GZMB: variants seen among roughly 807,000 people sequenced by gnomAD.
The protein encoded by GZMB is granzyme B.
In GZMB, 27 loss-of-function variants were observed where a neutral mutation model predicts 24.2. That is an observed-to-expected ratio of 1.12 (90% confidence interval 0.82 to 1.54). The LOEUF is 1.54. Among genes scored for constraint, GZMB ranks in the 40% most tolerant of loss-of-function variants. The pLI, the probability that GZMB is intolerant of heterozygous loss-of-function variation, is 0.00. For synonymous variants in GZMB, 121 were observed against 115.1 expected, an observed-to-expected ratio of 1.05 and a Z score of -0.33; for missense variants, 336 against 310.1, an observed-to-expected ratio of 1.08 and a Z score of -0.63.
At chr14:24,633,834 C>T (rs2067019160) in intron 1 of GZMB, 1 of 526,978 alleles carries the variant, frequency 1.9e-6, no homozygotes, top group Non-Finnish European at 3.4e-6. Flanking sequence ...AGTTTCCCAT[C>T]CTCTGCCATT....
At chr14:24,632,807 G>A (rs923955212) in intron 2 of GZMB, 108 bp downstream of exon 2, 122 of 1,154,398 alleles carry the variant, frequency 1.1e-4, no homozygotes, top group Non-Finnish European at 1.4e-4. Flanking sequence ...CCTCTAAGGA[G>A]ACCTCCTGGC....
Position 24,631,907 on chromosome 14 carries a change from G to T in GZMB, c.551C>A (p.Thr184Asn). 1 of 1,613,704 alleles carries T rather than the reference G, an allele frequency of 6.2e-7. No individual in the cohort carries two copies. Among genetic ancestry groups the T allele is most frequent in the Non-Finnish European group, 8.5e-7 (1 of 1,179,580 alleles). Reference protein sequence around the residue: ...ESDLRHYYDSTIELCVGDPEI... With the variant: ...ESDLRHYYDSNIELCVGDPEI... ...TGGGTCCCCCACGCACAACTCAATG[G>T]TACTGTCGTAATAATGGCGTAAGTC... The change falls in exon 4 of 5, where the codon ACC becomes AAC. Residue 184 changes from threonine (T) to asparagine (N), a missense_variant. By Grantham distance (65) the Thr-to-Asn change is moderately conservative. Coordinates refer to ENST00000216341, the MANE Select transcript of GZMB (RefSeq NM_004131.6).
At position 24,632,311 on chromosome 14, in the gene GZMB, G is replaced by A. The variant is rs1440487740; in HGVS notation, c.339+13C>T. The A allele has an allele frequency of 6.2e-7, 1 of 1,601,316 alleles. No individual in the cohort carries two copies. The highest frequency in any genetic ancestry group is 8.5e-7 in the Non-Finnish European group (1 of 1,172,820). On this transcript the variant is annotated intron_variant, in intron 3 of 4. Coordinates refer to ENST00000216341, the MANE Select transcript of GZMB (RefSeq NM_004131.6). ...GGACCAAGAAGAGCAAGAGTGGCAG[G>A]AGTGTGCCTCACCTGCAGTAGCATG...
At position 24,631,930 on chromosome 14, in the gene GZMB, G is replaced by A. The variant is rs780846355; in HGVS notation, c.528C>T (p.Asp176=). The A allele has an allele frequency of 1.2e-6, 2 of 1,614,068 alleles. No individual in the cohort carries two copies. The highest frequency in any genetic ancestry group is 1.7e-5 in the Admixed American group (1 of 60,030). Residue 176 remains aspartate (D), a synonymous_variant, in exon 4 of 5, where the codon GAC becomes GAT. Transcript: ENST00000216341. ...TVQEDRKCES[D]LRHYYDSTIE... Reference sequence around the variant, plus strand: ...TGGTACTGTCGTAATAATGGCGTAAGTCAGATTCGCACTTTCGATCTTCCT... The same window carrying A: ...TGGTACTGTCGTAATAATGGCGTAAATCAGATTCGCACTTTCGATCTTCCT...
At chr14:24,632,848 T>C in intron 2 of GZMB, 67 bp downstream of exon 2, 1 of 1,510,530 alleles carries the variant, frequency 6.6e-7, no homozygotes, top group Non-Finnish European at 9.2e-7. Context: ...AGGGAGCTCC[T>C]TGGGAAGAAG....
intron 1 of GZMB, chr14:24,633,281 C>A (rs896762071): frequency 1.0e-6 from 1 of 984,844 alleles, no homozygotes; most frequent in Non-Finnish European, 1.2e-6. Context: ...GGCGAGCATA[C>A]CTGTCTTAGG....
chr14:24,633,069 GA>G lies in GZMB; in HGVS notation c.56-8del. On this transcript the variant is annotated splice_region_variant and splice_polypyrimidine_tract_variant and intron_variant, in intron 1 of 4. Coordinates refer to ENST00000216341, the MANE Select transcript of GZMB (RefSeq NM_004131.6). Reference sequence around the variant, plus strand: ...TGTCCCCCGATGATCTCCCCTGAAGGAAAAGTCTGTCTGCTTGTGGGCACCC... The same window carrying G: ...TGTCCCCCGATGATCTCCCCTGAAGGAAAGTCTGTCTGCTTGTGGGCACCC... 1 of 1,593,400 alleles carries G rather than the reference GA, an allele frequency of 6.3e-7. No homozygotes were observed. The highest frequency in any genetic ancestry group is 1.7e-5 in the Admixed American group (1 of 57,746).
At position 24,632,304 on chromosome 14, in the gene GZMB, G is replaced by A; in HGVS notation, c.339+20C>T. 1.3e-6 allele frequency: 2 copies of A among 1,597,372 alleles called. No individual in the cohort carries two copies. Among genetic ancestry groups the A allele is most frequent in the Non-Finnish European group, 1.7e-6 (2 of 1,170,168 alleles). On this transcript the variant is annotated intron_variant, in intron 3 of 4. Coordinates refer to ENST00000216341, the MANE Select transcript of GZMB (RefSeq NM_004131.6). ...ACCAACTGGACCAAGAAGAGCAAGA[G>A]TGGCAGGAGTGTGCCTCACCTGCAG...
intron 2 of GZMB, 163 bp downstream of exon 2, chr14:24,632,752 A>G (rs1248851627): frequency 2.4e-6 from 2 of 850,708 alleles, no homozygotes; most frequent in Admixed American, 4.0e-5. Flanking sequence ...CACCTCTGGA[A>G]CCAACCTTCC....
rs562955413 is a variant in GZMB, at chr14:24,632,102, T to C, written c.356A>G (p.Lys119Arg). 6.2e-7 allele frequency: 1 copy of C among 1,613,784 alleles called. No homozygotes were observed. Among genetic ancestry groups the C allele is most frequent in the African/African-American group, 1.3e-5 (1 of 75,032 alleles). Residue 119 changes from lysine (K) to arginine (R), a missense_variant, in exon 4 of 5, where the codon AAG (lysine) becomes AGG (arginine). By Grantham distance (26) the Lys-to-Arg change is conservative. Transcript: ENST00000216341. ...IMLLQLERKA[K>R]RTRAVQPLRL... ...GAGGGGCTGCACAGCTCTGGTCCGC[T>C]TGGCCTTTCTCTCCAGCTGGTGGGG...
rs74345106 is a variant in GZMB at position 24,631,185 on chromosome 14, G to T, written c.630C>A (p.Asn210Lys). 1,584 of 1,613,564 alleles carry T rather than the reference G, an allele frequency of 9.8e-4. 10 individuals are homozygous for T. In the East Asian group the frequency reaches 0.01, roughly 10 times the overall value. Residue 210 changes from asparagine (N) to lysine (K), a missense_variant, in exon 5 of 5, where the codon AAC (asparagine) becomes AAA (lysine). Asn to Lys is a moderately conservative substitution (Grantham distance 94). Transcript: ENST00000216341. ...KGDSGGPLVCNKVAQGIVSYG... is the reference protein window; with the variant it reads ...KGDSGGPLVCKKVAQGIVSYG... ...AGGAGACAATGCCCTGGGCCACCTT[G>T]TTACACACAAGAGGGCCTCCAGAGT...
intron 2 of GZMB, 46 bp downstream of exon 2, chr14:24,632,869 C>T: frequency 1.3e-6 from 2 of 1,576,594 alleles, no homozygotes; most frequent in Non-Finnish European, 8.7e-7. Context: ...GCAGGGGTCT[C>T]TGTGGAGTGT....
rs369959551 is a variant in GZMB, at chr14:24,631,154, G to A, written c.661C>T (p.Arg221Ter). 2.5e-5 allele frequency: 40 copies of A among 1,611,696 alleles called. No homozygotes were observed. The highest frequency in any genetic ancestry group is 1.7e-4 in the Middle Eastern group (1 of 6,044). Residue 221 changes from arginine to a stop codon, truncating the protein, a stop_gained, in exon 5 of 5, where the codon CGA becomes TGA. Coordinates refer to ENST00000216341, the MANE Select transcript of GZMB (RefSeq NM_004131.6). LOFTEE classifies it low-confidence loss of function (END_TRUNC). Reference sequence around the variant, plus strand: ...GCTCGTGGAGGCATGCCATTGTTTCGTCCATAGGAGACAATGCCCTGGGCC... The same window carrying A: ...GCTCGTGGAGGCATGCCATTGTTTCATCCATAGGAGACAATGCCCTGGGCC... ...KVAQGIVSYG[R>*]NNGMPPRACT...
chr14:24,631,238 T>C (rs746679637), intron 4 of GZMB, 24 bp from the exon 5 acceptor site: 1 of 1,605,882 alleles, frequency 6.2e-7, no homozygotes, highest in Admixed American at 1.7e-5. Flanking sequence ...GTGGAAGGAC[T>C]GAGCTGATGC....
chr14:24,632,952 C>A lies in GZMB; in HGVS notation c.166G>T (p.Asp56Tyr), dbSNP rs1215761401. The A allele has an allele frequency of 1.9e-6, 3 of 1,613,740 alleles. No homozygotes were observed. The highest frequency in any genetic ancestry group is 2.2e-5 in the East Asian group (1 of 44,846). The part of the protein sequence containing the change: ...LKRCGGFLIR[D>Y]DFVLTAAHCW... The stretch of plus-strand genomic sequence containing the variant: ...TGAGCAGCTGTCAGCACGAAGTCGT[C>A]TCGTATCAGGAAGCCACCGCACCTC... The change falls in exon 2 of 5, where the codon GAC becomes TAC. Residue 56 changes from aspartate (D) to tyrosine (Y), a missense_variant. Physicochemically the swap from Asp to Tyr is radical, Grantham distance 160. Coordinates refer to ENST00000216341, the MANE Select transcript of GZMB (RefSeq NM_004131.6).
intron 2 of GZMB, 24 bp downstream of exon 2, chr14:24,632,891 T>C: frequency 6.2e-7 from 1 of 1,602,512 alleles, no homozygotes; most frequent in Non-Finnish European, 8.5e-7. Flanking sequence ...TCCAGGAGGG[T>C]GTGGGCTGTT....
chr14:24,634,052 G>C, intron 1 of GZMB, 54 bp downstream of exon 1: 1 of 1,447,964 alleles, frequency 6.9e-7, no homozygotes, highest in Non-Finnish European at 9.6e-7. Flanking sequence ...TGGAGAAAGG[G>C]CAGGAGACCT....
chr14:24,633,026 G>C lies in GZMB; in HGVS notation c.92C>G (p.Ser31Cys). ...IIGGHEAKPH[S>C]RPYMAYLMIW... ...CATAAGATAAGCCATGTAGGGGCGG[G>C]AGTGGGGCTTGGCCTCATGTCCCCC... Residue 31 changes from serine to cysteine, a missense_variant, in exon 2 of 5, where the codon TCC (serine) becomes TGC (cysteine). Ser to Cys is a moderately radical substitution (Grantham distance 112). Transcript: ENST00000216341. The C allele has an allele frequency of 1.2e-6, 2 of 1,613,438 alleles. No homozygotes were observed. The highest frequency in any genetic ancestry group is 1.7e-6 in the Non-Finnish European group (2 of 1,179,654).
At position 24,634,020 on chromosome 14, in the gene GZMB, G is replaced by T. The variant is rs571989026; in HGVS notation, c.55+86C>A. The T allele has an allele frequency of 7.7e-6, 9 of 1,164,868 alleles. No individual in the cohort carries two copies. In the East Asian group the frequency reaches 1.5e-4, roughly 19 times the overall value. The allele number at this position is 1,164,868 out of a possible 1,614,324, so 72.2% of individuals were successfully genotyped here. A position where few individuals can be genotyped will look rare whatever the true frequency, so the allele number is the denominator to read the frequency against. On this transcript the variant is annotated intron_variant, in intron 1 of 4. Transcript: ENST00000216341. ...GGAGCTGGAGTTCAGAACATTCCTG[G>T]TAGATAGATGGATCAGGAATGTGGA...
Sources: allele counts gnomAD v4.1 joint callset, GRCh38; gene constraint gnomAD v4.1.1; transcripts MANE v1.5; gene names NCBI Gene and HGNC (gene_info 2026-07-23, HGNC 2026-07-21).